The following ULK1 variants were observed in gnomAD, a reference collection of about 807,000 sequenced individuals.
ULK1 encodes unc-51 like autophagy activating kinase 1.
Under a neutral mutation model 117.5 loss-of-function variants are expected in ULK1, and 48 were observed. The observed-to-expected ratio is 0.41, with a 90% CI of 0.32 to 0.52. The LOEUF is 0.52. Among genes scored for constraint, ULK1 ranks in the 20% least tolerant of loss-of-function variants. The pLI, the probability that ULK1 is intolerant of heterozygous loss-of-function variation, is 0.29. For synonymous variants in ULK1, 790 were observed against 637.8 expected (o/e 1.24, Z -3.60); for missense variants, 1,387 against 1,473.4 (o/e 0.94, Z 0.96).
chr12:131,900,805 C>G (rs560815817), intron 3 of ULK1, among the ~76,000 whole-genome samples: 299 of 152,306 alleles, frequency 2.0e-3, no homozygotes, highest in African/African-American at 6.9e-3. Context: ...TCCTGGGAGA[C>G]CATGGGTCCA....
intron 5 of ULK1, among the ~76,000 whole-genome samples, 194 bp from the exon 6 acceptor site, chr12:131,908,450 G>A (rs1889372470): frequency 6.6e-6 from 1 of 151,968 alleles, no homozygotes; most frequent in Non-Finnish European, 1.5e-5. Flanking sequence ...GCCGGGCTCT[G>A]CGCAGGAGCT....
chr12:131,912,249 G>A (rs543612126), intron 13 of ULK1, among the ~76,000 whole-genome samples, 160 bp downstream of exon 13: 23 of 152,340 alleles, frequency 1.5e-4, no homozygotes, highest in African/African-American at 9.6e-5. Flanking sequence ...TGGGGAGGCC[G>A]TGTCTGTTAA....
chr12:131,895,972 G>A (rs1404811511), intron 3 of ULK1, 148 bp downstream of exon 3: 4 of 983,490 alleles, frequency 4.1e-6, no homozygotes, highest in South Asian at 1.4e-5. Context: ...CCAGGCCTGG[G>A]CTGGTGCTGG....
In ULK1 at chr12:131,907,666, TC is replaced by T. The variant is rs1446861234; in HGVS notation, c.316+140del. ...TCATTGTGAGATTGGCTCTTTCTTG[TC>T]CCCCTGGGCCTCTTGAGGGGATGCA... On this transcript the variant is annotated intron_variant, in intron 5 of 27. Transcript: ENST00000321867. 11 of 1,142,136 alleles carry T rather than the reference TC, an allele frequency of 9.6e-6. No individual in the cohort carries two copies. The East Asian group carries it at 3.0e-4, about 31-fold the overall frequency. The allele number at this position is 1,142,136 out of a possible 1,614,324, so 70.8% of individuals were successfully genotyped here.
chr12:131,907,382 T>C, intron 4 of ULK1, 113 bp from the exon 5 acceptor site: 1 of 1,376,680 alleles, frequency 7.3e-7, no homozygotes, highest in Non-Finnish European at 9.9e-7. Context: ...GCTGGGCAGG[T>C]GCCTGCGGGC....
intron 5 of ULK1, among the ~76,000 whole-genome samples, chr12:131,908,361 G>A (rs1464775665): frequency 2.0e-5 from 3 of 152,132 alleles, no homozygotes; most frequent in Non-Finnish European, 2.9e-5. Context: ...GCGGAACCGC[G>A]GTGGCACTGA....
At chr12:131,917,107 A>T in intron 21 of ULK1, 45 bp downstream of exon 21, 3 of 670,078 alleles carry the variant, frequency 4.5e-6, no homozygotes, top group South Asian at 3.3e-5. Context: ...TGGGGGTCGG[A>T]GGCTGTGGGA....
intron 3 of ULK1, among the ~76,000 whole-genome samples, chr12:131,901,289 G>A (rs1451250428): frequency 2.0e-5 from 3 of 151,800 alleles, no homozygotes; most frequent in Non-Finnish European, 4.4e-5. Flanking sequence ...AACCTGGGAG[G>A]TGGAGGTTGC....
chr12:131,922,257 A>G lies in ULK1; in HGVS notation c.*896A>G. On this transcript the variant is annotated 3_prime_UTR_variant, in exon 28 of 28. Coordinates refer to ENST00000321867, the MANE Select transcript of ULK1 (RefSeq NM_003565.4). ...CTGGGCCAGGTTAGAGGCAGATGGC[A>G]CAGGGGCGTGTGGCGGGCGGGTGAG... is the stretch of plus-strand genomic sequence containing the variant. 2.8e-6 allele frequency: 1 copy of G among 354,352 alleles called. No individual in the cohort carries two copies. The highest frequency in any genetic ancestry group is 5.6e-6 in the Non-Finnish European group (1 of 177,980). The allele number at this position is 354,352 out of a possible 1,614,324, so 22.0% of individuals were successfully genotyped here. A position where few individuals can be genotyped will look rare whatever the true frequency, so the allele number is the denominator to read the frequency against.
intron 3 of ULK1, among the ~76,000 whole-genome samples, chr12:131,906,029 T>A (rs1470292870): frequency 6.6e-6 from 1 of 151,524 alleles, no homozygotes; most frequent in Non-Finnish European, 1.5e-5. Flanking sequence ...GCAGCCAGGT[T>A]GGGTAGGGCA....
chr12:131,919,268 C>A lies in ULK1; in HGVS notation c.2568C>A (p.His856Gln), dbSNP rs143735595. 2 of 1,598,828 alleles carry A rather than the reference C, an allele frequency of 1.3e-6. No individual in the cohort carries two copies. Among genetic ancestry groups the A allele is most frequent in the African/African-American group, 1.3e-5 (1 of 74,828 alleles). ...GLRFTLLFVQ[H>Q]VLEIAALKGS... is the part of the protein sequence containing the mutation. ...GCTTCACGCTGCTGTTCGTGCAGCA[C>A]GTCCTGGAGATCGCAGCCCTGAAGG... Residue 856 changes from histidine to glutamine, a missense_variant, in exon 24 of 28, where the codon CAC becomes CAA. His to Gln is a conservative substitution (Grantham distance 24). Coordinates refer to ENST00000321867, the MANE Select transcript of ULK1 (RefSeq NM_003565.4).
rs1197364508 is a variant in ULK1, at chr12:131,916,038, A to G, written c.1757A>G (p.Gln586Arg). 1 of 1,610,390 alleles carries G rather than the reference A, an allele frequency of 6.2e-7. No homozygotes were observed. Among genetic ancestry groups the G allele is most frequent in the African/African-American group, 1.3e-5 (1 of 74,232 alleles). Residue 586 changes from glutamine (Q) to arginine (R), a missense_variant, in exon 19 of 28, where the codon CAG (glutamine) becomes CGG (arginine). By Grantham distance (43) the Gln-to-Arg change is conservative (BLOSUM62 1). This residue lies in a region of ULK1 where 900 missense variants were observed against 858.9 expected (regional missense o/e 1.05). Coordinates refer to ENST00000321867, the MANE Select transcript of ULK1 (RefSeq NM_003565.4). ...CTGGGAGCTGTGTTCAGCCCACCACAGGCCAGCCCTCCCCAGCCGTCCCAC... is the reference window on the plus strand; with the variant it reads ...CTGGGAGCTGTGTTCAGCCCACCACGGGCCAGCCCTCCCCAGCCGTCCCAC... ...DPLGAVFSPP[Q>R]ASPPQPSHGL...
At chr12:131,917,139 T>G (rs7959669) in intron 21 of ULK1, 77 bp downstream of exon 21, 10 of 182,796 alleles carry the variant, frequency 5.5e-5, no homozygotes, top group African/African-American at 1.5e-4. Flanking sequence ...GGCTGTGGGA[T>G]GGGGGTCGGA....
At chr12:131,904,255 C>T (rs370838880) in intron 3 of ULK1, among the ~76,000 whole-genome samples, 1 of 152,194 alleles carries the variant, frequency 6.6e-6, no homozygotes, top group South Asian at 2.1e-4. Context: ...CCTAAGCCAC[C>T]CTCCCACCTC....
intron 22 of ULK1, among the ~76,000 whole-genome samples, chr12:131,917,852 T>C (rs1010471104): frequency 6.6e-6 from 1 of 152,224 alleles, no homozygotes; most frequent in Non-Finnish European, 1.5e-5. Flanking sequence ...GATCATGGCC[T>C]CCTTGCCCAG....
intron 3 of ULK1, chr12:131,897,046 C>T (rs1183549438): frequency 6.6e-6 from 1 of 152,530 alleles, no homozygotes; most frequent in Non-Finnish European, 1.5e-5. Context: ...AGCTCCATCC[C>T]AGTCAGCCAC....
At chr12:131,907,412 T>C in intron 4 of ULK1, 83 bp from the exon 5 acceptor site, 1 of 1,550,504 alleles carries the variant, frequency 6.4e-7, no homozygotes, top group Non-Finnish European at 8.8e-7. Flanking sequence ...AGTGTCCAAG[T>C]GTGAGGGGTG....
Position 131,920,083 on chromosome 12 carries a change from C to G in ULK1, c.2908C>G (p.Arg970Gly). Residue 970 changes from arginine to glycine, a missense_variant, in exon 26 of 28, where the codon CGC becomes GGC. Transcript: ENST00000321867. Reference protein sequence around the residue: ...FFLDKQRLLDRIHSITAERLI... With the variant: ...FFLDKQRLLDGIHSITAERLI... ...CCTGGACAAGCAGCGGCTCCTGGAC[C>G]GCATTCACAGCATCACTGCCGAGAG... 1.9e-6 allele frequency: 3 copies of G among 1,612,810 alleles called. No individual in the cohort carries two copies. Among genetic ancestry groups the G allele is most frequent in the South Asian group, 2.2e-5 (2 of 91,082 alleles).
Position 131,921,696 on chromosome 12 carries a change from C to A in ULK1, c.*335C>A. ...GACAGGCAAGGGCCTGAGACCACTG[C>A]CGACTCAAAGCCAAAGCGAGCTCCT... On this transcript the variant is annotated 3_prime_UTR_variant, in exon 28 of 28. Transcript: ENST00000321867. The A allele has an allele frequency of 1.7e-6, 1 of 604,318 alleles. No individual in the cohort carries two copies. The highest frequency in any genetic ancestry group is 3.1e-6 in the Non-Finnish European group (1 of 327,016). The allele number at this position is 604,318 out of a possible 1,614,324, so 37.4% of individuals were successfully genotyped here.
Sources: allele counts gnomAD v4.1 joint callset (sites outside exome capture counted in the v4.1 genomes callset), GRCh38; gene constraint gnomAD v4.1.1; regional missense constraint gnomAD v4.1.1; transcripts MANE v1.5; gene names NCBI Gene and HGNC (gene_info 2026-07-23, HGNC 2026-07-21).